The following TCF7L1 variants were observed in gnomAD, a reference collection of about 807,000 sequenced individuals.
TCF7L1 encodes transcription factor 7 like 1, also known as transcription factor 7-like 1.
Under a neutral mutation model 63.7 loss-of-function variants are expected in TCF7L1, and 18 were observed. The ratio of observed to expected loss-of-function variants is 0.28; its 90% CI spans 0.20 to 0.42. The LOEUF is 0.42. Among genes scored for constraint, TCF7L1 ranks in the 10% least tolerant of loss-of-function variants. TCF7L1 has a pLI of 1.00. For synonymous variants in TCF7L1, 355 were observed against 340.9 expected (o/e 1.04, Z -0.46); for missense variants, 654 against 779.3 (o/e 0.84, Z 1.91).
In TCF7L1 at chr2:85,306,339, G is replaced by T. The variant is rs1215367276; in HGVS notation, c.1123G>T (p.Ala375Ser). The T allele has an allele frequency of 6.2e-7, 1 of 1,614,112 alleles. No homozygotes were observed. The highest frequency in any genetic ancestry group is 1.3e-5 in the African/African-American group (1 of 74,930). The change falls in exon 9 of 12, where the codon GCC (alanine) becomes TCC (serine). Residue 375 changes from alanine (A) to serine (S), a missense_variant. Physicochemically the swap from Ala to Ser is moderately conservative, Grantham distance 99. Around this residue, in one of 3 missense-constraint regions of TCF7L1, gnomAD observed 66 missense variants for 120.5 expected, o/e 0.55. Transcript: ENST00000282111. The surrounding 1 kb of genome is among the most constrained non-coding windows in gnomAD (Gnocchi z 4.3). ...VAECTLKESA[A>S]INQILGRKWH... The stretch of plus-strand genomic sequence containing the variant: ...TGAGTGCACCCTGAAGGAAAGTGCA[G>T]CCATTAACCAGATCCTTGGAAGAAA...
At chr2:85,254,309 AT>A (rs2104338637) in intron 3 of TCF7L1, among the ~76,000 whole-genome samples, 1 of 152,360 alleles carries the variant, frequency 6.6e-6, no homozygotes, top group African/African-American at 2.4e-5. Flanking sequence ...GGTCTTCTGA[AT>A]TATAAAACCT....
chr2:85,305,453 A>T, intron 8 of TCF7L1, 50 bp downstream of exon 8: 1 of 1,562,302 alleles, frequency 6.4e-7, no homozygotes, highest in South Asian at 1.2e-5. Context: ...GGCTGTGGGG[A>T]GGGGTGGCCA....
At chr2:85,146,934 T>A (rs1677893191) in intron 3 of TCF7L1, among the ~76,000 whole-genome samples, 1 of 152,230 alleles carries the variant, frequency 6.6e-6, no homozygotes, top group Non-Finnish European at 1.5e-5. Context: ...TCTTTGCTTT[T>A]CTGCACTGTG....
chr2:85,182,090 C>T (rs549754382), intron 3 of TCF7L1, among the ~76,000 whole-genome samples: 17 of 152,132 alleles, frequency 1.1e-4, no homozygotes, highest in African/African-American at 3.4e-4. Context: ...ATGGACGGGG[C>T]GCCTGAAGGA....
intron 3 of TCF7L1, among the ~76,000 whole-genome samples, chr2:85,232,051 C>G (rs554186813): frequency 6.6e-6 from 1 of 152,110 alleles, no homozygotes; most frequent in Non-Finnish European, 1.5e-5. Context: ...ATTGTCACAC[C>G]GTTGAGAGTC....
intron 3 of TCF7L1, among the ~76,000 whole-genome samples, chr2:85,279,918 G>C (rs1245989702): frequency 1.3e-5 from 2 of 152,138 alleles, no homozygotes; most frequent in African/African-American, 4.8e-5. Context: ...GACCAGTGTG[G>C]TCTCCTCCCA....
intron 3 of TCF7L1, among the ~76,000 whole-genome samples, chr2:85,142,456 GTGTGTGTGTTGTGTGTATATATATAATA>G (rs1411789608): frequency 2.3e-5 from 2 of 85,562 alleles, no homozygotes; most frequent in Non-Finnish European, 4.8e-5. Context: ...GTGTGTGTGT[GTGTGTGTGTTGTGTGTATATATATAATA>G]TATATATATA....
chr2:85,209,755 C>T (rs1024417354), intron 3 of TCF7L1, among the ~76,000 whole-genome samples: 2 of 152,040 alleles, frequency 1.3e-5, no homozygotes, highest in African/African-American at 2.4e-5. Flanking sequence ...CAATGGGGAG[C>T]GACACCTTTG....
At chr2:85,240,636 A>G (rs1310422589) in intron 3 of TCF7L1, among the ~76,000 whole-genome samples, 1 of 148,746 alleles carries the variant, frequency 6.7e-6, no homozygotes, top group African/African-American at 2.5e-5. Flanking sequence ...AAAAAAAATT[A>G]GCTGGACATG....
At chr2:85,237,807 G>T (rs1275999580) in intron 3 of TCF7L1, among the ~76,000 whole-genome samples, 1 of 151,786 alleles carries the variant, frequency 6.6e-6, no homozygotes, top group African/African-American at 2.4e-5. Context: ...GCCAAATCAG[G>T]CAGGGTCAGG....
In TCF7L1 at chr2:85,178,289, G is replaced by A. The variant is rs867935330; in HGVS notation, c.441+43839G>A. On this transcript the variant is annotated intron_variant, in intron 3 of 11. Coordinates refer to ENST00000282111, the MANE Select transcript of TCF7L1 (RefSeq NM_031283.3). ...CCTGCCATTAGCTGGTTACTGTTTG[G>A]GCTTCCTTTCATGGTGGTAAACACA... Among the ~76,000 whole-genome samples the A allele has an allele frequency of 3.9e-5, 6 of 152,136 alleles. No homozygotes were observed. In the South Asian group the frequency reaches 1.2e-3, roughly 32 times the overall value.
chr2:85,297,726 A>C (rs74619566), intron 4 of TCF7L1, among the ~76,000 whole-genome samples: 1 of 152,046 alleles, frequency 6.6e-6, no homozygotes, highest in African/African-American at 2.4e-5. Context: ...CAGAAGCTGC[A>C]GTGAGCTGAG....
At chr2:85,277,181 G>C (rs544164972) in intron 3 of TCF7L1, among the ~76,000 whole-genome samples, 9 of 152,082 alleles carry the variant, frequency 5.9e-5, no homozygotes, top group Non-Finnish European at 1.2e-4. Context: ...GAGCAGGGGA[G>C]AGATGTGACT....
intron 3 of TCF7L1, among the ~76,000 whole-genome samples, chr2:85,279,016 G>A (rs560474109): frequency 1.3e-5 from 2 of 152,372 alleles, no homozygotes; most frequent in East Asian, 1.9e-4. Context: ...GGCTGGACCA[G>A]CCCGTGTACA....
chr2:85,222,375 A>C (rs4494743), intron 3 of TCF7L1, among the ~76,000 whole-genome samples: 17,990 of 149,900 alleles, frequency 0.12, 1,790 homozygotes, highest in African/African-American at 0.27. Context: ...AAAAAAAAAA[A>C]CACTAAAGGC....
intron 3 of TCF7L1, among the ~76,000 whole-genome samples, chr2:85,151,924 T>C (rs77186051): frequency 0.021 from 3,235 of 152,322 alleles, 39 homozygotes; most frequent in Middle Eastern, 0.037. Context: ...ATTCTTTCCC[T>C]TTATATACCA....
intron 4 of TCF7L1, among the ~76,000 whole-genome samples, chr2:85,293,457 G>C (rs1352733651): frequency 1.3e-5 from 2 of 152,144 alleles, no homozygotes; most frequent in African/African-American, 4.8e-5. Context: ...AAAGTTTCCT[G>C]AGGCCTCCCC....
chr2:85,231,740 C>T (rs1680085486), intron 3 of TCF7L1, among the ~76,000 whole-genome samples: 1 of 152,214 alleles, frequency 6.6e-6, no homozygotes, highest in African/African-American at 2.4e-5. Flanking sequence ...ATGTCCCCTT[C>T]CACACACTAT....
At chr2:85,165,232 T>A (rs1678388800) in intron 3 of TCF7L1, among the ~76,000 whole-genome samples, 1 of 152,234 alleles carries the variant, frequency 6.6e-6, no homozygotes, top group Admixed American at 6.5e-5. Flanking sequence ...TTATTAATAG[T>A]TAAATTTACA....
Sources: allele counts gnomAD v4.1 joint callset (sites outside exome capture counted in the v4.1 genomes callset), GRCh38; gene constraint gnomAD v4.1.1; regional missense constraint gnomAD v4.1.1; non-coding constraint Gnocchi (gnomAD v3.1); transcripts MANE v1.5; gene names NCBI Gene and HGNC (gene_info 2026-07-23, HGNC 2026-07-21).